Variants in BIN1 observed in about 807,000 individuals in gnomAD.
BIN1 encodes myc box-dependent-interacting protein 1.
In BIN1, 53 loss-of-function variants were observed where a neutral mutation model predicts 82.0. The observed-to-expected ratio is 0.65, with a 90% CI of 0.52 to 0.81. The LOEUF (loss-of-function observed/expected upper bound fraction) is 0.81. Ranked by LOEUF, BIN1 falls within the 40% of genes least tolerant of loss-of-function variation. The pLI, the probability that BIN1 is intolerant of heterozygous loss-of-function variation, is 0.00. For synonymous variants in BIN1, 302 were observed against 328.0 expected (o/e 0.92, Z 0.86); for missense variants, 642 against 784.4 (o/e 0.82, Z 2.17).
At position 127,048,366 on chromosome 2, in the gene BIN1, G is replaced by A. The variant is rs578146778; in HGVS notation, c.*160C>T. 2.9e-6 allele frequency: 2 copies of A among 684,574 alleles called. No individual in the cohort carries two copies. Among genetic ancestry groups the A allele is most frequent in the South Asian group, 1.8e-5 (1 of 56,100 alleles). 42.4% of individuals were successfully genotyped at this position (684,574 alleles called of 1,614,324 possible). On this transcript the variant is annotated 3_prime_UTR_variant, in exon 19 of 19. Coordinates refer to ENST00000316724, the MANE Select transcript of BIN1 (RefSeq NM_139343.3). ...GCCGGGACGCGGCTCTTTGGAAAAC[G>A]ACCTAATCTTTGGGAGAACGCCCCT... is the stretch of plus-strand genomic sequence containing the variant.
At chr2:127,083,009 C>T (rs1687492086) in intron 1 of BIN1, among the ~76,000 whole-genome samples, 1 of 151,898 alleles carries the variant, frequency 6.6e-6, no homozygotes, top group South Asian at 2.1e-4. Flanking sequence ...ACTACAGGGA[C>T]TATCATCTAC....
chr2:127,065,433 C>A (rs1028705015), intron 7 of BIN1, among the ~76,000 whole-genome samples: 2 of 152,168 alleles, frequency 1.3e-5, no homozygotes, highest in African/African-American at 4.8e-5. Flanking sequence ...GCCATCCCTG[C>A]CCTACTCCCC....
chr2:127,097,792 A>G (rs1679791087), intron 1 of BIN1, among the ~76,000 whole-genome samples: 1 of 151,680 alleles, frequency 6.6e-6, no homozygotes, highest in Non-Finnish European at 1.5e-5. Context: ...GCCTCACCCA[A>G]GGGCCCTGGG....
intron 2 of BIN1, among the ~76,000 whole-genome samples, chr2:127,075,807 C>A (rs1297863404): frequency 4.0e-5 from 5 of 124,820 alleles, no homozygotes; most frequent in South Asian, 2.9e-4. Context: ...CTGCCCCCCC[C>A]ACCGCCCTCT....
chr2:127,067,618 C>T lies in BIN1; in HGVS notation c.612+545G>A, dbSNP rs1399655104. Among the ~76,000 whole-genome samples the T allele has an allele frequency of 6.6e-6, 1 of 152,232 alleles. No homozygotes were observed. Among genetic ancestry groups the T allele is most frequent in the African/African-American group, 2.4e-5 (1 of 41,456 alleles). Reference sequence around the variant, plus strand: ...CCTCCCAGTAACTCCTCCAGAGTCACCACGGGGACCACAAGTCCGAGGAAA... The same window carrying T: ...CCTCCCAGTAACTCCTCCAGAGTCATCACGGGGACCACAAGTCCGAGGAAA... On this transcript the variant is annotated intron_variant, in intron 7 of 18. Coordinates refer to ENST00000316724, the MANE Select transcript of BIN1 (RefSeq NM_139343.3). This position sits in a 1 kb window ranked among gnomAD's most constrained non-coding sequence, Gnocchi z 4.7.
rs1221433460 is a variant in BIN1 at position 127,051,168 on chromosome 2, T to C, written c.1447A>G (p.Ser483Gly). 6.2e-7 allele frequency: 1 copy of C among 1,613,372 alleles called. No individual in the cohort carries two copies. The highest frequency in any genetic ancestry group is 1.7e-5 in the Admixed American group (1 of 60,014). Residue 483 changes from serine (S) to glycine (G), a missense_variant, in exon 16 of 19, where the codon AGT becomes GGT. Transcript: ENST00000316724. ...TGCTGTCTTACGGAGGCTGCTTCAC[T>C]TGCCGCCGTCTCCCCTGGCTCCTGG... The part of the protein sequence containing the change: ...GAQEPGETAA[S>G]EAASSSLPAV...
At chr2:127,080,193 T>C (rs999976557) in intron 1 of BIN1, among the ~76,000 whole-genome samples, 1 of 152,158 alleles carries the variant, frequency 6.6e-6, no homozygotes, top group African/African-American at 2.4e-5. Context: ...AAAAACAATC[T>C]GGGCACCCCC....
At chr2:127,070,896 C>T (rs1573650999) in intron 2 of BIN1, 80 bp from the exon 3 acceptor site, 4 of 1,410,238 alleles carry the variant, frequency 2.8e-6, no homozygotes, top group Non-Finnish European at 2.9e-6. Context: ...GCCACCCTCA[C>T]GTGAATGAAC....
chr2:127,075,397 G>A (rs1424262015), intron 2 of BIN1, among the ~76,000 whole-genome samples: 1 of 152,106 alleles, frequency 6.6e-6, no homozygotes, highest in East Asian at 1.9e-4. Flanking sequence ...CCTAAGACCA[G>A]GTTTCTTGTT....
Position 127,093,088 on chromosome 2 carries a change from G to A in BIN1, c.84+13772C>T, listed in dbSNP as rs1401691106. Among the ~76,000 whole-genome samples the A allele has an allele frequency of 2.0e-5, 3 of 152,192 alleles. No individual in the cohort carries two copies. Among genetic ancestry groups the A allele is most frequent in the Non-Finnish European group, 2.9e-5 (2 of 68,016 alleles). On this transcript the variant is annotated intron_variant, in intron 1 of 18. Coordinates refer to ENST00000316724, the MANE Select transcript of BIN1 (RefSeq NM_139343.3). This position sits in a 1 kb window ranked among gnomAD's most constrained non-coding sequence, Gnocchi z 5.7. Reference sequence around the variant, plus strand: ...AGCCCCCAGCCACCCCCACGCTAGGGCTGTCCACAGAGAGAGGGGTCAGGG... The same window carrying A: ...AGCCCCCAGCCACCCCCACGCTAGGACTGTCCACAGAGAGAGGGGTCAGGG...
chr2:127,081,298 C>G (rs1435545504), intron 1 of BIN1, among the ~76,000 whole-genome samples: 1 of 152,218 alleles, frequency 6.6e-6, no homozygotes, highest in Non-Finnish European at 1.5e-5. Context: ...AGGGAAGTGT[C>G]CTTATGTGAC....
Position 127,071,782 on chromosome 2 carries a change from A to G in BIN1, c.166-966T>C, listed in dbSNP as rs372296076. On this transcript the variant is annotated intron_variant, in intron 2 of 18. Transcript: ENST00000316724. ...TGTCCCTTACTAGCCACACAGCCCT[A>G]AGTAAGCTAGTGAGCCTCTCTGAAC... Among the ~76,000 whole-genome samples the G allele has an allele frequency of 2.0e-5, 3 of 152,308 alleles. No homozygotes were observed. The South Asian group carries it at 6.2e-4, about 32-fold the overall frequency.
intron 10 of BIN1, among the ~76,000 whole-genome samples, chr2:127,060,881 C>T (rs1244914496): frequency 6.6e-6 from 1 of 152,194 alleles, no homozygotes; most frequent in African/African-American, 2.4e-5. Flanking sequence ...GGGCAGGAGG[C>T]TCGGGGCAGT....
chr2:127,075,328 C>T (rs1447310183), intron 2 of BIN1, among the ~76,000 whole-genome samples: 2 of 152,248 alleles, frequency 1.3e-5, no homozygotes, highest in Non-Finnish European at 1.5e-5. Flanking sequence ...CAACCCACAG[C>T]CTGATGAAGC....
At chr2:127,096,438 C>A (rs908035379) in intron 1 of BIN1, among the ~76,000 whole-genome samples, 1 of 152,318 alleles carries the variant, frequency 6.6e-6, no homozygotes, top group South Asian at 2.1e-4. Context: ...GGCAGAGCTG[C>A]GTGCTTCCCT....
intron 1 of BIN1, among the ~76,000 whole-genome samples, chr2:127,084,758 G>A (rs746090696): frequency 1.4e-4 from 21 of 152,220 alleles, no homozygotes; most frequent in Admixed American, 1.3e-3. Context: ...TCTGCTTCAA[G>A]AAGTGAGAAA....
Position 127,077,881 on chromosome 2 carries a change from C to T in BIN1, c.85-1175G>A, listed in dbSNP as rs1382750262. On this transcript the variant is annotated intron_variant, in intron 1 of 18. Transcript: ENST00000316724. ...CTCCCAGGCAGTGGGCAAGACCTCA[C>T]AAGAATGAGAAGGAAACGGGGGTAG... Among the ~76,000 whole-genome samples, 7 of 152,096 alleles carry T rather than the reference C, an allele frequency of 4.6e-5. No individual in the cohort carries two copies. The East Asian group carries it at 1.4e-3, about 29-fold the overall frequency.
At chr2:127,071,007 C>A (rs902240271) in intron 2 of BIN1, among the ~76,000 whole-genome samples, 191 bp from the exon 3 acceptor site, 3 of 152,214 alleles carry the variant, frequency 2.0e-5, no homozygotes, top group African/African-American at 4.8e-5. Flanking sequence ...TCCATAGGCA[C>A]CCTTGCCCAT....
At position 127,068,972 on chromosome 2, in the gene BIN1, G is replaced by A. The variant is rs138885327; in HGVS notation, c.471C>T (p.Tyr157=). The A allele has an allele frequency of 1.1e-4, 180 of 1,614,184 alleles. 2 individuals carry two copies. The African/African-American group carries it at 1.7e-3, about 15-fold the overall frequency. Residue 157 remains tyrosine (Y), a synonymous_variant, in exon 6 of 19, where the codon TAC becomes TAT. Coordinates refer to ENST00000316724, the MANE Select transcript of BIN1 (RefSeq NM_139343.3). This position sits in a 1 kb window ranked among gnomAD's most constrained non-coding sequence, Gnocchi z 4.9. ...LVDYDSARHH[Y]ESLQTAKKKD... ...TCTTTTTGGCAGTTTGAAGGGACTCGTAGTGGTGCCGGGCACTGTCGTAGT... is the reference window on the plus strand; with the variant it reads ...TCTTTTTGGCAGTTTGAAGGGACTCATAGTGGTGCCGGGCACTGTCGTAGT...
Sources: allele counts gnomAD v4.1 joint callset (sites outside exome capture counted in the v4.1 genomes callset), GRCh38; gene constraint gnomAD v4.1.1; non-coding constraint Gnocchi (gnomAD v3.1); transcripts MANE v1.5; gene names NCBI Gene and HGNC (gene_info 2026-07-23, HGNC 2026-07-21).